DNAJC5B: variants seen among roughly 807,000 people sequenced by gnomAD.
DNAJC5B encodes the protein DnaJ heat shock protein family (Hsp40) member C5 beta, also known as dnaJ homolog subfamily C member 5B.
DNAJC5B carries 23 observed loss-of-function variants against 24.7 expected under a neutral mutation model. That is an observed-to-expected ratio of 0.93 (90% CI 0.67 to 1.32). The LOEUF is 1.32. DNAJC5B is among the 40% of genes most tolerant of loss of function. The pLI is 0.00. For missense variants in DNAJC5B, 238 were observed against 240.8 expected, an observed-to-expected ratio of 0.99 and a Z score of 0.08; for synonymous variants, 101 against 90.1, an observed-to-expected ratio of 1.12 and a Z score of -0.68.
At position 66,023,448 on chromosome 8, in the gene DNAJC5B, A is replaced by C. The variant is rs1214352041; in HGVS notation, c.-142+1743A>C. Reference sequence around the variant, plus strand: ...CATTCAAAACACTGAGATAACAGTGAAAATAAAACCAGGGAAATTGACTAG... The same window carrying C: ...CATTCAAAACACTGAGATAACAGTGCAAATAAAACCAGGGAAATTGACTAG... On this transcript the variant is annotated intron_variant, in intron 1 of 5. Coordinates refer to ENST00000276570, the MANE Select transcript of DNAJC5B (RefSeq NM_033105.6). 2.0e-5 allele frequency among the ~76,000 whole-genome samples: 3 copies of C among 152,354 alleles called. No homozygotes were observed. The East Asian group carries it at 5.8e-4, about 29-fold the overall frequency.
At chr8:66,048,797 T>A (rs1222128323) in intron 2 of DNAJC5B, among the ~76,000 whole-genome samples, 1 of 152,174 alleles carries the variant, frequency 6.6e-6, no homozygotes, top group Non-Finnish European at 1.5e-5. Context: ...GTAGTGTTGC[T>A]TTCGGTTCAG....
chr8:66,085,747 T>A (rs1807710276), intron 5 of DNAJC5B, among the ~76,000 whole-genome samples: 1 of 151,866 alleles, frequency 6.6e-6, no homozygotes, highest in Non-Finnish European at 1.5e-5. Flanking sequence ...CCAACTTTAT[T>A]TTTTTTTACA....
chr8:66,058,158 G>C (rs574430567), intron 3 of DNAJC5B: 1 of 152,132 alleles, frequency 6.6e-6, no homozygotes, highest in African/African-American at 2.4e-5. Context: ...TTCATGAAAG[G>C]TTTTCTCATT....
intron 5 of DNAJC5B, among the ~76,000 whole-genome samples, chr8:66,098,103 C>G (rs1205029822): frequency 7.2e-5 from 11 of 152,184 alleles, no homozygotes; most frequent in Admixed American, 7.2e-4. Flanking sequence ...ATCTGCCTGC[C>G]TCGGCCTCCC....
chr8:66,055,710 G>A (rs997952139), intron 3 of DNAJC5B, among the ~76,000 whole-genome samples: 9 of 152,200 alleles, frequency 5.9e-5, no homozygotes, highest in East Asian at 1.9e-4. Context: ...AGGTCAAGGC[G>A]GGTGGATGGA....
chr8:66,087,053 T>C (rs1018311143), intron 5 of DNAJC5B, among the ~76,000 whole-genome samples: 1 of 151,336 alleles, frequency 6.6e-6, no homozygotes, highest in African/African-American at 2.5e-5. Flanking sequence ...TATTAGTCTG[T>C]TTTCACACTG....
rs571914374 is a variant in DNAJC5B at position 66,057,557 on chromosome 8, G to A, written c.119+5891G>A. The A allele has an allele frequency of 2.6e-5, 4 of 152,128 alleles. 1 individual carries two copies. The South Asian group carries it at 8.3e-4, about 31-fold the overall frequency. 9.4% of individuals were successfully genotyped at this position (152,128 alleles called of 1,614,324 possible). ...AATTCCCCACATTTGGCAAAAAATA[G>A]AAACCTACAGATTCAAGAGGCTGAG... On this transcript the variant is annotated intron_variant, in intron 3 of 5. Transcript: ENST00000276570.
chr8:66,066,527 C>T (rs1204058121), intron 3 of DNAJC5B, among the ~76,000 whole-genome samples: 2 of 152,154 alleles, frequency 1.3e-5, no homozygotes, highest in Admixed American at 6.5e-5. Flanking sequence ...GATATATATA[C>T]ATCATGGAAT....
At chr8:66,078,864 A>G (rs1490525158) in intron 4 of DNAJC5B, among the ~76,000 whole-genome samples, 2 of 152,196 alleles carry the variant, frequency 1.3e-5, no homozygotes, top group East Asian at 3.8e-4. Flanking sequence ...ATGAAGCAGG[A>G]GTGGGGCAGG....
intron 5 of DNAJC5B, among the ~76,000 whole-genome samples, chr8:66,096,409 C>T (rs1215279024): frequency 6.6e-6 from 1 of 152,170 alleles, no homozygotes; most frequent in East Asian, 1.9e-4. Flanking sequence ...TAGTCCTTTT[C>T]AAATTCTACA....
At chr8:66,082,434 C>G (rs1807617253) in intron 5 of DNAJC5B, among the ~76,000 whole-genome samples, 1 of 152,054 alleles carries the variant, frequency 6.6e-6, no homozygotes, top group South Asian at 2.1e-4. Flanking sequence ...TTCAGTAGAC[C>G]TTCTTTGTGG....
chr8:66,031,254 C>G (rs1274777952), intron 1 of DNAJC5B, among the ~76,000 whole-genome samples: 1 of 152,146 alleles, frequency 6.6e-6, no homozygotes, highest in South Asian at 2.1e-4. Flanking sequence ...ACAATTGATA[C>G]ACACATATGT....
At chr8:66,076,627 C>T in intron 3 of DNAJC5B, 33 bp from the exon 4 acceptor site, 1 of 1,609,556 alleles carries the variant, frequency 6.2e-7, no homozygotes, top group Non-Finnish European at 8.5e-7. Flanking sequence ...TGTCAAATAA[C>T]ACACTCTCCT....
At chr8:66,083,114 C>T (rs1161618258) in intron 5 of DNAJC5B, among the ~76,000 whole-genome samples, 2 of 147,792 alleles carry the variant, frequency 1.4e-5, no homozygotes, top group Admixed American at 1.4e-4. Flanking sequence ...CGGGTTCAAG[C>T]AATTCTCCTG....
chr8:66,076,588 T>C (rs750758533), intron 3 of DNAJC5B, 72 bp from the exon 4 acceptor site: 8 of 1,487,140 alleles, frequency 5.4e-6, no homozygotes, highest in Non-Finnish European at 7.5e-6. Flanking sequence ...AAATGAACAG[T>C]GCCCTTCTAA....
At chr8:66,091,944 T>C (rs1332461289) in intron 5 of DNAJC5B, among the ~76,000 whole-genome samples, 1 of 152,194 alleles carries the variant, frequency 6.6e-6, no homozygotes, top group African/African-American at 2.4e-5. Flanking sequence ...ATTCCATTTA[T>C]ATGAAATATT....
intron 5 of DNAJC5B, among the ~76,000 whole-genome samples, chr8:66,092,447 C>CTGGCT (rs1236388442): frequency 6.6e-6 from 1 of 152,092 alleles, no homozygotes; most frequent in Non-Finnish European, 1.5e-5. Flanking sequence ...TCAGACAATC[C>CTGGCT]TGGCTCAGGC....
At chr8:66,073,659 A>G (rs1049981530) in intron 3 of DNAJC5B, among the ~76,000 whole-genome samples, 3 of 152,158 alleles carry the variant, frequency 2.0e-5, no homozygotes, top group African/African-American at 7.2e-5. Context: ...CACATGTTAG[A>G]CTGTTATTGG....
chr8:66,090,640 T>C (rs577162836), intron 5 of DNAJC5B, among the ~76,000 whole-genome samples: 70 of 152,170 alleles, frequency 4.6e-4, no homozygotes, highest in Admixed American at 3.0e-3. Flanking sequence ...CCAAATACAT[T>C]CACAACCACA....
Sources: gnomAD v4.1 joint callset for allele counts (sites outside exome capture counted in the v4.1 genomes callset) on GRCh38, gnomAD v4.1.1 for gene constraint, MANE v1.5 for transcripts, NCBI Gene and HGNC (gene_info 2026-07-23, HGNC 2026-07-21) for gene names.